Variants in EXOC6B observed in about 807,000 individuals in gnomAD.
EXOC6B encodes SEC15 homolog B.
Under a neutral mutation model 113.5 loss-of-function variants are expected in EXOC6B, and 54 were observed. That is an observed-to-expected ratio of 0.48 (90% CI 0.38 to 0.60). EXOC6B has a LOEUF of 0.60. Ranked by LOEUF, EXOC6B falls within the 20% of genes least tolerant of loss-of-function variation. The pLI is 0.00. For synonymous variants in EXOC6B, 357 were observed against 339.0 expected (o/e 1.05, Z -0.58); for missense variants, 797 against 977.5 (o/e 0.82, Z 2.46).
chr2:72,640,326 G>A (rs1233233439), intron 6 of EXOC6B, among the ~76,000 whole-genome samples: 5 of 152,104 alleles, frequency 3.3e-5, no homozygotes, highest in Non-Finnish European at 5.9e-5. Flanking sequence ...AAAAAAGAAT[G>A]AAAAGGAATA....
chr2:72,810,650 G>A (rs1295626309), intron 1 of EXOC6B, among the ~76,000 whole-genome samples: 2 of 151,800 alleles, frequency 1.3e-5, no homozygotes, highest in Non-Finnish European at 2.9e-5. Flanking sequence ...AAAAACAACG[G>A]AGAAAATCAA....
At chr2:72,254,098 T>C (rs1310243795) in intron 20 of EXOC6B, among the ~76,000 whole-genome samples, 1 of 149,780 alleles carries the variant, frequency 6.7e-6, no homozygotes, top group Non-Finnish European at 1.5e-5. Context: ...AGGAGGAGGT[T>C]GCAGTGAGCC....
chr2:72,236,155 T>C (rs1241295740), intron 20 of EXOC6B, among the ~76,000 whole-genome samples: 3 of 152,188 alleles, frequency 2.0e-5, no homozygotes, highest in Admixed American at 2.0e-4. Flanking sequence ...CTCTCCTTAC[T>C]AGAGCAGGCA....
chr2:72,265,350 C>T (rs1684004344), intron 20 of EXOC6B, among the ~76,000 whole-genome samples: 2 of 149,858 alleles, frequency 1.3e-5, no homozygotes, highest in South Asian at 4.3e-4. Flanking sequence ...TGTGCTGCAC[C>T]CATTAACTCG....
chr2:72,790,799 A>G (rs1684630761), intron 1 of EXOC6B, among the ~76,000 whole-genome samples: 1 of 152,198 alleles, frequency 6.6e-6, no homozygotes. Flanking sequence ...AAAATAGAAA[A>G]CAATATTAAC....
At chr2:72,768,873 G>C (rs1333504335) in intron 1 of EXOC6B, among the ~76,000 whole-genome samples, 1 of 152,076 alleles carries the variant, frequency 6.6e-6, no homozygotes, top group Non-Finnish European at 1.5e-5. Flanking sequence ...AGCACCTTAG[G>C]AGGCTGAGGC....
chr2:72,481,793 TA>T (rs1699115608), intron 16 of EXOC6B, among the ~76,000 whole-genome samples: 1 of 152,132 alleles, frequency 6.6e-6, no homozygotes, highest in Admixed American at 6.6e-5. Flanking sequence ...TTTTCTTACA[TA>T]GAACAGATCA....
chr2:72,671,777 AAGAAAGAAAGAAAG>A lies in EXOC6B; in HGVS notation c.669+46312_669+46325del, dbSNP rs879681818. ...AAAGAAAGAAAGAAAGAAAGAAAGA[AAGAAAGAAAGAAAG>A]AAAGAAAGAAAGAAAGAAAGAAAGA... is the stretch of plus-strand genomic sequence containing the variant. On this transcript the variant is annotated intron_variant, in intron 6 of 21. Transcript: ENST00000272427. Among the ~76,000 whole-genome samples the A allele has an allele frequency of 1.2e-3, 140 of 118,122 alleles. 1 individual carries two copies. Among genetic ancestry groups the A allele is most frequent in the Middle Eastern group, 7.9e-3 (2 of 254 alleles). 77.5% of individuals were successfully genotyped at this position (118,122 alleles called of 152,430 possible).
intron 8 of EXOC6B, among the ~76,000 whole-genome samples, chr2:72,552,034 T>C (rs1012779986): frequency 8.5e-5 from 13 of 152,180 alleles, no homozygotes; most frequent in Admixed American, 7.9e-4. Context: ...TTAACATATG[T>C]TCAAACAAAT....
At chr2:72,391,088 G>A (rs573818214) in intron 18 of EXOC6B, among the ~76,000 whole-genome samples, 15 of 152,280 alleles carry the variant, frequency 9.9e-5, no homozygotes, top group African/African-American at 3.6e-4. Flanking sequence ...GCACTGCAGT[G>A]TTACAAAGTA....
chr2:72,286,475 TGGCTGCCAGGGGTTGGGG>T (rs1685426550), intron 20 of EXOC6B, among the ~76,000 whole-genome samples: 2 of 152,058 alleles, frequency 1.3e-5, no homozygotes, highest in Admixed American at 1.3e-4. Context: ...AAAAGATCAG[TGGCTGCCAGGGGTTGGGG>T]CAAGAAGGGA....
At chr2:72,283,993 C>A (rs574095327) in intron 20 of EXOC6B, among the ~76,000 whole-genome samples, 4 of 152,210 alleles carry the variant, frequency 2.6e-5, no homozygotes, top group East Asian at 1.9e-4. Flanking sequence ...ATAATTATAA[C>A]CTCCTAAAAC....
rs547863229 is a variant in EXOC6B, at chr2:72,622,441, C to T, written c.670-46773G>A. On this transcript the variant is annotated intron_variant, in intron 6 of 21. Transcript: ENST00000272427. ...TAAAAGAAGCTATCCAGGCTGGGCACGGTGGCTCACGACTATAATCCCAGC... is the reference window on the plus strand; with the variant it reads ...TAAAAGAAGCTATCCAGGCTGGGCATGGTGGCTCACGACTATAATCCCAGC... Among the ~76,000 whole-genome samples the T allele has an allele frequency of 3.0e-4, 46 of 152,260 alleles. No individual in the cohort carries two copies. In the South Asian group the frequency reaches 5.8e-3, roughly 19 times the overall value.
At chr2:72,667,530 C>T (rs1423676369) in intron 6 of EXOC6B, among the ~76,000 whole-genome samples, 1 of 152,082 alleles carries the variant, frequency 6.6e-6, no homozygotes, top group Non-Finnish European at 1.5e-5. Context: ...AACAGACACA[C>T]AGACTAAGAG....
intron 6 of EXOC6B, among the ~76,000 whole-genome samples, chr2:72,607,812 T>G (rs1196958796): frequency 6.6e-6 from 1 of 152,112 alleles, no homozygotes; most frequent in African/African-American, 2.4e-5. Context: ...GGTTTTCAAG[T>G]GGGTGGTCAG....
intron 20 of EXOC6B, among the ~76,000 whole-genome samples, chr2:72,198,908 G>A (rs961231281): frequency 6.6e-6 from 1 of 152,166 alleles, no homozygotes. Context: ...TTAAATCCTG[G>A]TATGAGGCAA....
intron 5 of EXOC6B, among the ~76,000 whole-genome samples, chr2:72,723,386 G>A (rs1434319920): frequency 1.3e-5 from 2 of 152,052 alleles, no homozygotes; most frequent in Admixed American, 1.3e-4. Context: ...ACCATGATCA[G>A]AATAACAGAC....
intron 6 of EXOC6B, among the ~76,000 whole-genome samples, chr2:72,717,353 C>T (rs1679682924): frequency 6.6e-6 from 1 of 152,218 alleles, no homozygotes; most frequent in African/African-American, 2.4e-5. Context: ...CTATTGTTTA[C>T]AGAACCAAAA....
intron 11 of EXOC6B, among the ~76,000 whole-genome samples, chr2:72,501,230 G>A (rs1252895324): frequency 6.6e-6 from 1 of 152,154 alleles, no homozygotes; most frequent in Admixed American, 6.5e-5. Context: ...CACCTAGTGG[G>A]AGGTGTTTGG....
Sources: gnomAD v4.1 joint callset for allele counts (sites outside exome capture counted in the v4.1 genomes callset) on GRCh38, gnomAD v4.1.1 for gene constraint, MANE v1.5 for transcripts, NCBI Gene and HGNC (gene_info 2026-07-23, HGNC 2026-07-21) for gene names.